Variants in MAP3K2 observed in about 807,000 individuals in gnomAD.
MAP3K2 encodes the protein mitogen-activated protein kinase kinase kinase 2, also known as MAP/ERK kinase kinase 2.
In MAP3K2, 24 loss-of-function variants were observed where a neutral mutation model predicts 80.3. That is an observed-to-expected ratio of 0.30 (90% CI 0.22 to 0.42). MAP3K2 has a LOEUF of 0.42. MAP3K2 is among the 10% of genes least tolerant of loss of function. The pLI is 1.00. For missense variants in MAP3K2, 608 were observed against 750.1 expected, an observed-to-expected ratio of 0.81 and a Z score of 2.21; for synonymous variants, 244 against 253.7, an observed-to-expected ratio of 0.96 and a Z score of 0.36.
At position 127,338,913 on chromosome 2, in the gene MAP3K2, T is replaced by A. The variant is rs569272975; in HGVS notation, c.123+19A>T. The A allele has an allele frequency of 1.4e-5, 21 of 1,474,596 alleles. No individual in the cohort carries two copies. The highest frequency in any genetic ancestry group is 5.6e-5 in the African/African-American group (4 of 71,134). 91.3% of individuals were successfully genotyped at this position (1,474,596 alleles called of 1,614,324 possible). A position where few individuals can be genotyped will look rare whatever the true frequency, so the allele number is the denominator to read the frequency against. On this transcript the variant is annotated intron_variant, in intron 3 of 16. Transcript: ENST00000682094. ...TAAAGGAAAGTAATTCATAAAAAAA[T>A]ACTTATTAAAATAAATACCTGTTTT...
At chr2:127,378,418 A>G (rs1687185775) in intron 1 of MAP3K2, among the ~76,000 whole-genome samples, 1 of 152,222 alleles carries the variant, frequency 6.6e-6, no homozygotes, top group South Asian at 2.1e-4. Context: ...ATTACTGAAC[A>G]TTCACCACTA....
chr2:127,343,482 C>T (rs1686538697), intron 1 of MAP3K2, among the ~76,000 whole-genome samples: 1 of 152,044 alleles, frequency 6.6e-6, no homozygotes, highest in Non-Finnish European at 1.5e-5. Flanking sequence ...TCCTGAAATC[C>T]AAGTTCTCAG....
intron 1 of MAP3K2, among the ~76,000 whole-genome samples, chr2:127,377,135 TTAAC>T (rs1457169334): frequency 6.6e-6 from 1 of 152,096 alleles, no homozygotes; most frequent in Non-Finnish European, 1.5e-5. Context: ...AATAAATACT[TTAAC>T]TATGGACATT....
At chr2:127,328,863 TTCC>T (rs1016469965) in intron 7 of MAP3K2, among the ~76,000 whole-genome samples, 14 of 152,222 alleles carry the variant, frequency 9.2e-5, no homozygotes, top group Non-Finnish European at 1.6e-4. Flanking sequence ...ACATTTGTTT[TTCC>T]TCCTCTTTAA....
intron 1 of MAP3K2, among the ~76,000 whole-genome samples, chr2:127,367,050 T>A (rs1270608177): frequency 2.0e-5 from 3 of 152,086 alleles, no homozygotes; most frequent in Non-Finnish European, 2.9e-5. Context: ...TTTGTATTTT[T>A]ATTAATATAC....
At chr2:127,388,131 C>T (rs1687413588), upstream of MAP3K2, 2 of 985,076 alleles carry the variant, frequency 2.0e-6, no homozygotes, top group Non-Finnish European at 2.4e-6. Context: ...AGGCCACCGC[C>T]CCCACCGGCC....
intron 15 of MAP3K2, among the ~76,000 whole-genome samples, chr2:127,313,750 T>G (rs1026574146): frequency 6.6e-6 from 1 of 152,218 alleles, no homozygotes; most frequent in South Asian, 2.1e-4. Flanking sequence ...CTAAATGGTA[T>G]AGCCTACTAC....
At chr2:127,372,321 A>G (rs1687079763) in intron 1 of MAP3K2, among the ~76,000 whole-genome samples, 9 of 152,214 alleles carry the variant, frequency 5.9e-5, no homozygotes, top group Admixed American at 5.9e-4. Flanking sequence ...AAAGGGGGAA[A>G]GGGACGTTTT....
chr2:127,381,939 T>G (rs920621803), intron 1 of MAP3K2, among the ~76,000 whole-genome samples: 1 of 151,788 alleles, frequency 6.6e-6, no homozygotes, highest in Non-Finnish European at 1.5e-5. Flanking sequence ...GGGTGGAATC[T>G]GACAAATCGA....
chr2:127,357,850 A>G (rs1686821902), intron 1 of MAP3K2, among the ~76,000 whole-genome samples: 1 of 152,200 alleles, frequency 6.6e-6, no homozygotes, highest in Non-Finnish European at 1.5e-5. Context: ...TAAGGACTAA[A>G]ACTATAAAAC....
At chr2:127,380,824 A>G (rs933534291) in intron 1 of MAP3K2, among the ~76,000 whole-genome samples, 3 of 152,062 alleles carry the variant, frequency 2.0e-5, no homozygotes, top group Non-Finnish European at 2.9e-5. Flanking sequence ...ATATATAGAT[A>G]CATCTCACAC....
intron 1 of MAP3K2, among the ~76,000 whole-genome samples, chr2:127,369,198 C>CCT (rs754239282): frequency 1.1e-4 from 16 of 151,354 alleles, no homozygotes; most frequent in Admixed American, 9.9e-4. Flanking sequence ...GATCTGCCCG[C>CCT]CTCGGCCTCC....
intron 1 of MAP3K2, among the ~76,000 whole-genome samples, chr2:127,347,871 C>A (rs1686626341): frequency 7.0e-6 from 1 of 142,126 alleles, no homozygotes; most frequent in Non-Finnish European, 1.6e-5. Flanking sequence ...TACCTCACAT[C>A]CAGTAGGATG....
chr2:127,314,492 A>G (rs890639114), intron 15 of MAP3K2, among the ~76,000 whole-genome samples: 8 of 151,860 alleles, frequency 5.3e-5, no homozygotes, highest in Non-Finnish European at 5.9e-5. Context: ...TACCTATGCA[A>G]TATGTATGAA....
At chr2:127,313,803 C>G (rs1238619453) in intron 15 of MAP3K2, among the ~76,000 whole-genome samples, 1 of 152,042 alleles carries the variant, frequency 6.6e-6, no homozygotes, top group African/African-American at 2.4e-5. Context: ...AAATGTGGTC[C>G]ATAATGACGT....
At chr2:127,355,768 C>T (rs1312349464) in intron 1 of MAP3K2, among the ~76,000 whole-genome samples, 1 of 152,126 alleles carries the variant, frequency 6.6e-6, no homozygotes, top group African/African-American at 2.4e-5. Flanking sequence ...AAAAATTTTA[C>T]TCTAGCATTC....
rs907953384 is a variant in MAP3K2, at chr2:127,304,180, C to A, written c.*3399G>T. On this transcript the variant is annotated 3_prime_UTR_variant, in exon 17 of 17. Coordinates refer to ENST00000682094, the MANE Select transcript of MAP3K2 (RefSeq NM_001371910.2). The stretch of plus-strand genomic sequence containing the variant: ...GGGTAACTGTGCCTTTTAAAACTTT[C>A]TAAGGCAATAGTCATTTTTTTAAGT... 6.6e-6 allele frequency: 1 copy of A among 152,014 alleles called. No homozygotes were observed. The highest frequency in any genetic ancestry group is 2.4e-5 in the African/African-American group (1 of 41,406). 9.4% of individuals were successfully genotyped at this position (152,014 alleles called of 1,614,324 possible).
chr2:127,366,873 T>TG (rs1404066325), intron 1 of MAP3K2, among the ~76,000 whole-genome samples: 5 of 130,402 alleles, frequency 3.8e-5, no homozygotes, highest in African/African-American at 6.6e-5. Context: ...AGGGTTTTTT[T>TG]TTTTTTTTTT....
rs117770181 is a variant in MAP3K2, at chr2:127,373,660, C to G, written c.-66+13792G>C. On this transcript the variant is annotated intron_variant, in intron 1 of 16. Coordinates refer to ENST00000682094, the MANE Select transcript of MAP3K2 (RefSeq NM_001371910.2). ...TATTCAGTTCAGCTGTTTGTTTTTC[C>G]CACTAAACACTCCCCTACAGGGTTA... Among the ~76,000 whole-genome samples, 741 of 152,234 alleles carry G rather than the reference C, an allele frequency of 4.9e-3. 18 individuals are homozygous for G. Among genetic ancestry groups the G allele is most frequent in the East Asian group, 0.039 (200 of 5,182 alleles).
Sources: gnomAD v4.1 joint callset for allele counts (sites outside exome capture counted in the v4.1 genomes callset) on GRCh38, gnomAD v4.1.1 for gene constraint, MANE v1.5 for transcripts, NCBI Gene and HGNC (gene_info 2026-07-23, HGNC 2026-07-21) for gene names.